The following GREB1 variants were observed in gnomAD, a reference collection of about 807,000 sequenced individuals.
GREB1 encodes growth regulating estrogen receptor binding 1.
A neutral mutation model predicts 200.7 loss-of-function variants in GREB1; 106 were observed. The ratio of observed to expected loss-of-function variants is 0.53; its 90% CI spans 0.45 to 0.62. GREB1 has a LOEUF of 0.62. Ranked by LOEUF, GREB1 falls within the 20% of genes least tolerant of loss-of-function variation. GREB1 has a pLI of 0.00. For synonymous variants in GREB1, 1,132 were observed against 1,092.4 expected, an observed-to-expected ratio of 1.04 and a Z score of -0.72; for missense variants, 2,243 against 2,556.8, an observed-to-expected ratio of 0.88 and a Z score of 2.65.
At chr2:11,496,843 T>G (rs144166390) in intron 1 of GREB1, among the ~76,000 whole-genome samples, 35 of 152,310 alleles carry the variant, frequency 2.3e-4, no homozygotes, top group African/African-American at 8.2e-4. Context: ...AAACCCCTCA[T>G]GTTGCTCTTT....
intron 20 of GREB1, among the ~76,000 whole-genome samples, chr2:11,615,529 A>G (rs972681638): frequency 1.3e-5 from 2 of 152,214 alleles, no homozygotes; most frequent in African/African-American, 2.4e-5. Context: ...GTGTGAGAAA[A>G]TGGAAATCCC....
At chr2:11,528,034 A>G (rs766775095) in intron 1 of GREB1, among the ~76,000 whole-genome samples, 2 of 152,240 alleles carry the variant, frequency 1.3e-5, no homozygotes, top group African/African-American at 2.4e-5. Flanking sequence ...TCTCAGAATC[A>G]GCCTTTCTCA....
At position 11,610,932 on chromosome 2, in the gene GREB1, C is replaced by T. The variant is rs760183614; in HGVS notation, c.2911C>T (p.Arg971Trp). Residue 971 changes from arginine to tryptophan, a missense_variant, in exon 18 of 33, where the codon CGG becomes TGG. By Grantham distance (101) the Arg-to-Trp change is moderately radical. Coordinates refer to ENST00000381486, the MANE Select transcript of GREB1 (RefSeq NM_014668.4). Reference sequence around the variant, plus strand: ...GGCCTATGAGCGGCTGGCCCACGTGCGGGCCCGGCTGGCGCTGGAGGAGCA... The same window carrying T: ...GGCCTATGAGCGGCTGGCCCACGTGTGGGCCCGGCTGGCGCTGGAGGAGCA... ...VVAYERLAHV[R>W]ARLALEEHFE... 24 of 1,611,460 alleles carry T rather than the reference C, an allele frequency of 1.5e-5. No homozygotes were observed. Among genetic ancestry groups the T allele is most frequent in the Non-Finnish European group, 1.9e-5 (22 of 1,179,272 alleles).
Position 11,603,430 on chromosome 2 carries a change from A to G in GREB1, c.2666+888A>G, listed in dbSNP as rs763459955. Among the ~76,000 whole-genome samples, 3 of 152,216 alleles carry G rather than the reference A, an allele frequency of 2.0e-5. No homozygotes were observed. In the East Asian group the frequency reaches 5.8e-4, roughly 29 times the overall value. On this transcript the variant is annotated intron_variant, in intron 17 of 32. Transcript: ENST00000381486. ...CTGCTTTGGCTGGATACTAATAGCT[A>G]TTAAGCATAAAGGGGTTCCATGGTC... is the stretch of plus-strand genomic sequence containing the variant.
chr2:11,630,190 T>A (rs111773541), intron 26 of GREB1, 81 bp downstream of exon 26: 5 of 1,374,738 alleles, frequency 3.6e-6, no homozygotes, highest in Non-Finnish European at 5.1e-6. Flanking sequence ...CAGAGCTTCC[T>A]GTGAGGGAGT....
intron 1 of GREB1, among the ~76,000 whole-genome samples, chr2:11,511,328 C>T (rs1029310939): frequency 1.3e-5 from 2 of 152,050 alleles, no homozygotes; most frequent in African/African-American, 4.8e-5. Flanking sequence ...TTACATTTTT[C>T]CCCAGATTGC....
rs75086486 is a variant in GREB1 at position 11,585,384 on chromosome 2, G to A, written c.1015+110G>A. On this transcript the variant is annotated intron_variant, in intron 8 of 32. Coordinates refer to ENST00000381486, the MANE Select transcript of GREB1 (RefSeq NM_014668.4). ...TGCGTGCGCACGAGTGTGAATGTGCGTGTGTACTGATGAGGGAGTTCTAAG... is the reference window on the plus strand; with the variant it reads ...TGCGTGCGCACGAGTGTGAATGTGCATGTGTACTGATGAGGGAGTTCTAAG... 0.02 allele frequency: 13,426 copies of A among 668,984 alleles called. 1,185 individuals are homozygous for A. In the African/African-American group the frequency reaches 0.21, roughly 10 times the overall value. 41.4% of individuals were successfully genotyped at this position (668,984 alleles called of 1,614,324 possible).
At chr2:11,532,053 A>G (rs1674092831), upstream of GREB1, among the ~76,000 whole-genome samples, 2 of 152,210 alleles carry the variant, frequency 1.3e-5, no homozygotes, top group African/African-American at 4.8e-5. Flanking sequence ...TCATTTGAAT[A>G]TGCCATATTA....
chr2:11,625,130 T>C, intron 23 of GREB1, 24 bp from the exon 24 acceptor site: 1 of 1,594,776 alleles, frequency 6.3e-7, no homozygotes, highest in Non-Finnish European at 8.6e-7. Flanking sequence ...TTTTGTCACA[T>C]CTATGTTTCT....
At chr2:11,527,578 A>G (rs116253440) in intron 1 of GREB1, among the ~76,000 whole-genome samples, 3,055 of 152,310 alleles carry the variant, frequency 0.02, 74 homozygotes, top group African/African-American at 0.053. Context: ...GATTGGCTGG[A>G]CAACCCATCC....
At chr2:11,564,760 G>T (rs78453224) in intron 3 of GREB1, among the ~76,000 whole-genome samples, 2 of 152,154 alleles carry the variant, frequency 1.3e-5, no homozygotes, top group Non-Finnish European at 2.9e-5. Context: ...CCCTGTATTA[G>T]TCCATTTTCA....
intron 1 of GREB1, among the ~76,000 whole-genome samples, chr2:11,537,262 C>T (rs946415893): frequency 9.9e-5 from 15 of 152,130 alleles, no homozygotes; most frequent in South Asian, 2.1e-4. Context: ...CCGCGCCGGC[C>T]GACATTTTCT....
chr2:11,609,005 A>G (rs540011777), intron 17 of GREB1, among the ~76,000 whole-genome samples: 4 of 152,308 alleles, frequency 2.6e-5, no homozygotes, highest in African/African-American at 7.2e-5. Context: ...CTGTAGGCAG[A>G]AGCTGGGGGA....
At position 11,534,150 on chromosome 2, in the gene GREB1, T is replaced by C. The variant is rs1674184714; in HGVS notation, c.-266T>C. ...TTTTTCAATGGAAGGCTTGCAGCTC[T>C]TGAGGACCTGCCAAATGGAAGAAGG... On this transcript the variant is annotated 5_prime_UTR_variant, in exon 1 of 33. Coordinates refer to ENST00000381486, the MANE Select transcript of GREB1 (RefSeq NM_014668.4). The C allele has an allele frequency of 1.3e-5, 2 of 152,206 alleles. No homozygotes were observed. The highest frequency in any genetic ancestry group is 4.8e-5 in the African/African-American group (2 of 41,448). The allele number at this position is 152,206 out of a possible 1,614,324, so 9.4% of individuals were successfully genotyped here.
At chr2:11,583,501 AT>A (rs11332067) in intron 7 of GREB1, among the ~76,000 whole-genome samples, 11,703 of 150,940 alleles carry the variant, frequency 0.078, 1,460 homozygotes, top group African/African-American at 0.26. Context: ...TGAAGTGATA[AT>A]TTTTTTTTTG....
chr2:11,569,951 C>T (rs1164322823), intron 4 of GREB1, among the ~76,000 whole-genome samples: 3 of 152,184 alleles, frequency 2.0e-5, no homozygotes, highest in Non-Finnish European at 4.4e-5. Context: ...AGTACAGAGT[C>T]TCATGGTATG....
chr2:11,606,349 A>T (rs530604411), intron 17 of GREB1, among the ~76,000 whole-genome samples: 1 of 152,290 alleles, frequency 6.6e-6, no homozygotes, highest in East Asian at 1.9e-4. Context: ...TGGTATGGTC[A>T]GTATTTTAAA....
chr2:11,539,600 A>G (rs1674572010), intron 1 of GREB1, among the ~76,000 whole-genome samples: 1 of 152,302 alleles, frequency 6.6e-6, no homozygotes, highest in African/African-American at 2.4e-5. Flanking sequence ...CAGTCCAAGT[A>G]CACAAACTTC....
chr2:11,618,456 C>T lies in GREB1; in HGVS notation c.3581C>T (p.Pro1194Leu). The T allele has an allele frequency of 6.2e-7, 1 of 1,605,356 alleles. No individual in the cohort carries two copies. The highest frequency in any genetic ancestry group is 8.5e-7 in the Non-Finnish European group (1 of 1,176,736). ...CCCTCGGCCATCAGCAGGCACAGTC[C>T]CGGGCCGACGCCCCAGCCCGACTGT... ...GPPSAISRHSPGPTPQPDCSL... is the reference protein window; with the variant it reads ...GPPSAISRHSLGPTPQPDCSL... The change falls in exon 22 of 33, where the codon CCC (proline) becomes CTC (leucine). Residue 1194 changes from proline to leucine, a missense_variant. By Grantham distance (98) the Pro-to-Leu change is moderately conservative. Around this residue, in one of 3 missense-constraint regions of GREB1, gnomAD observed 587 missense variants for 553.1 expected, o/e 1.06. Coordinates refer to ENST00000381486, the MANE Select transcript of GREB1 (RefSeq NM_014668.4).
Sources: gnomAD v4.1 joint callset for allele counts (sites outside exome capture counted in the v4.1 genomes callset) on GRCh38, gnomAD v4.1.1 for gene constraint, gnomAD v4.1.1 regional missense constraint, MANE v1.5 for transcripts, NCBI Gene and HGNC (gene_info 2026-07-23, HGNC 2026-07-21) for gene names.